ZNF665: variants seen among roughly 807,000 people sequenced by gnomAD.
The protein encoded by ZNF665 is zinc finger protein 665.
Under a neutral mutation model 7.9 loss-of-function variants are expected in ZNF665, and 6 were observed. The observed-to-expected ratio is 0.76, with a 90% CI of 0.42 to 1.50. ZNF665 has a LOEUF of 1.50. ZNF665 is among the 40% of genes most tolerant of loss of function. The pLI, the probability that ZNF665 is intolerant of heterozygous loss-of-function variation, is 0.01. For synonymous variants in ZNF665, 242 were observed against 274.5 expected, an observed-to-expected ratio of 0.88 and a Z score of 1.17; for missense variants, 819 against 806.7, an observed-to-expected ratio of 1.02 and a Z score of -0.18.
chr19:53,168,578 A>AT (rs1368524827), intron 3 of ZNF665, among the ~76,000 whole-genome samples: 4 of 152,212 alleles, frequency 2.6e-5, no homozygotes, highest in Non-Finnish European at 5.9e-5. Flanking sequence ...TCCAGCATGT[A>AT]TTTTTTGAGA....
intron 3 of ZNF665, among the ~76,000 whole-genome samples, chr19:53,168,621 T>C (rs2090635364): frequency 6.6e-6 from 1 of 152,130 alleles, no homozygotes; most frequent in South Asian, 2.1e-4. Flanking sequence ...CATAGGAAAA[T>C]GGAAAGGATC....
chr19:53,176,548 C>A (rs147453819), intron 2 of ZNF665, among the ~76,000 whole-genome samples: 8 of 152,292 alleles, frequency 5.3e-5, no homozygotes, highest in Non-Finnish European at 1.0e-4. Flanking sequence ...ATTAATTGAT[C>A]CCAACGAAAA....
chr19:53,166,143 T>C lies in ZNF665; in HGVS notation c.347A>G (p.Gln116Arg). Residue 116 changes from glutamine to arginine, a missense_variant, in exon 4 of 4, where the codon CAA becomes CGA. Physicochemically the swap from Gln to Arg is conservative, Grantham distance 43 (BLOSUM62 1). Coordinates refer to ENST00000396424, the MANE Select transcript of ZNF665 (RefSeq NM_024733.5). ...EGNYKTVLMLQKENLPGRRAQ... is the reference protein window; with the variant it reads ...EGNYKTVLMLRKENLPGRRAQ... ...TCTTCTACCAGGGAGATTTTCTTTT[T>C]GCAACATAAGTACTGTTTTATAATT... is the stretch of plus-strand genomic sequence containing the variant. The C allele has an allele frequency of 6.2e-7, 1 of 1,613,874 alleles. No individual in the cohort carries two copies. The highest frequency in any genetic ancestry group is 1.3e-5 in the African/African-American group (1 of 75,050).
At chr19:53,174,029 G>A (rs879445675) in intron 3 of ZNF665, among the ~76,000 whole-genome samples, 1 of 152,198 alleles carries the variant, frequency 6.6e-6, no homozygotes, top group Admixed American at 6.5e-5. Flanking sequence ...ACAGTTCCGT[G>A]AAGTTTCCGG....
intron 1 of ZNF665, among the ~76,000 whole-genome samples, chr19:53,189,693 C>T (rs2090801012): frequency 6.7e-6 from 1 of 148,674 alleles, no homozygotes; most frequent in African/African-American, 2.5e-5. Flanking sequence ...GTTAGGCCTC[C>T]GGATAACTGC....
Position 53,189,821 on chromosome 19 carries a change from A to C in ZNF665, c.-46+3491T>G, listed in dbSNP as rs1230922670. Among the ~76,000 whole-genome samples the C allele has an allele frequency of 5.3e-5, 8 of 151,698 alleles. No individual in the cohort carries two copies. In the East Asian group the frequency reaches 1.6e-3, roughly 30 times the overall value. ...AGTCTGCTAAGTAGCGGGTGTTTTC[A>C]TTTGACACTTACGCTACCCCTAGAC... On this transcript the variant is annotated intron_variant, in intron 1 of 3. Coordinates refer to ENST00000396424, the MANE Select transcript of ZNF665 (RefSeq NM_024733.5).
intron 2 of ZNF665, 80 bp from the exon 3 acceptor site, chr19:53,175,651 G>C: frequency 6.7e-7 from 1 of 1,488,284 alleles, no homozygotes; most frequent in African/African-American, 1.4e-5. Flanking sequence ...GGAGAGAGCT[G>C]TAAGAATAGG....
chr19:53,174,825 G>GCTACTC (rs2090683945), intron 3 of ZNF665, among the ~76,000 whole-genome samples: 1 of 151,890 alleles, frequency 6.6e-6, no homozygotes, highest in Non-Finnish European at 1.5e-5. Context: ...TGTAATCCCA[G>GCTACTC]CTACTCGGGA....
chr19:53,178,007 C>T (rs1029444366), intron 2 of ZNF665, among the ~76,000 whole-genome samples: 5 of 152,146 alleles, frequency 3.3e-5, no homozygotes, highest in African/African-American at 1.2e-4. Flanking sequence ...AGGCAAGCTA[C>T]CTGAAAGAGC....
chr19:53,173,311 G>A, intron 3 of ZNF665, among the ~76,000 whole-genome samples: 1 of 146,292 alleles, frequency 6.8e-6, no homozygotes, highest in African/African-American at 2.5e-5. Flanking sequence ...TTTTAATTGT[G>A]TGTTCTTGGT....
At chr19:53,168,055 CAAAAAAAAAAAAA>C (rs57521729) in intron 3 of ZNF665, among the ~76,000 whole-genome samples, 1 of 66,402 alleles carries the variant, frequency 1.5e-5, no homozygotes, top group Admixed American at 2.6e-4. Flanking sequence ...GACTCCCTCT[CAAAAAAAAAAAAA>C]AAAAAAAAAA....
chr19:53,166,086 C>G lies in ZNF665; in HGVS notation c.404G>C (p.Arg135Thr), dbSNP rs781013837. 6.2e-7 allele frequency: 1 copy of G among 1,614,026 alleles called. No homozygotes were observed. Among genetic ancestry groups the G allele is most frequent in the Non-Finnish European group, 8.5e-7 (1 of 1,179,942 alleles). The change falls in exon 4 of 4, where the codon AGG becomes ACG. Residue 135 changes from arginine to threonine, a missense_variant. By Grantham distance (71) the Arg-to-Thr change is moderately conservative. Transcript: ENST00000396424. The stretch of plus-strand genomic sequence containing the variant: ...TACTCCAAGCTGATTTTCAATATGC[C>G]TGTTTCCTGCAGCCCTTCTATCACG... ...AQRDRRAAGNRHIENQLGVSF... is the reference protein window; with the variant it reads ...AQRDRRAAGNTHIENQLGVSF...
In ZNF665 at chr19:53,166,164, T is replaced by C. The variant is rs763144109; in HGVS notation, c.326A>G (p.Tyr109Cys). 8 of 1,613,988 alleles carry C rather than the reference T, an allele frequency of 5.0e-6. No individual in the cohort carries two copies. The Admixed American group carries it at 5.0e-5, about 10-fold the overall frequency. ...ECQWKDDEGNYKTVLMLQKEN... is the reference protein window; with the variant it reads ...ECQWKDDEGNCKTVLMLQKEN... ...TTTTTGCAACATAAGTACTGTTTTA[T>C]AATTTCCTTCATCATCTTTCCACTG... The change falls in exon 4 of 4, where the codon TAT becomes TGT. Residue 109 changes from tyrosine to cysteine, a missense_variant. Transcript: ENST00000396424.
At chr19:53,182,487 C>T (rs572362691) in intron 2 of ZNF665, 84 of 517,764 alleles carry the variant, frequency 1.6e-4, no homozygotes, top group Admixed American at 5.8e-4. Flanking sequence ...TCTCATTTTA[C>T]AGCATTTCGT....
chr19:53,183,951 C>T (rs771952899), intron 1 of ZNF665, among the ~76,000 whole-genome samples: 4 of 152,238 alleles, frequency 2.6e-5, no homozygotes, highest in Non-Finnish European at 5.9e-5. Context: ...TTCTCCCACA[C>T]CTCCAAAGAA....
intron 1 of ZNF665, among the ~76,000 whole-genome samples, chr19:53,189,774 G>C (rs952445056): frequency 6.6e-6 from 1 of 151,220 alleles, no homozygotes; most frequent in African/African-American, 2.4e-5. Flanking sequence ...ACTCCCCCGG[G>C]GAAAGGGAGA....
rs914252773 is a variant in ZNF665, at chr19:53,182,789, C to A, written c.15+95G>T. ...AGTGAGTGCGAGCAAACCTGTCAGG[C>A]AGGATGCTTCAGACTCAGAGAAGAT... is the stretch of plus-strand genomic sequence containing the variant. On this transcript the variant is annotated intron_variant, in intron 2 of 3. Transcript: ENST00000396424. 2.8e-5 allele frequency: 45 copies of A among 1,585,014 alleles called. No homozygotes were observed. The African/African-American group carries it at 4.6e-4, about 16-fold the overall frequency.
intron 3 of ZNF665, among the ~76,000 whole-genome samples, chr19:53,171,504 G>GTGTGTGTGTGTGTATATATA (rs140482885): frequency 1.7e-5 from 1 of 57,774 alleles, no homozygotes; most frequent in Non-Finnish European, 3.3e-5. Context: ...GTGTGTGTGT[G>GTGTGTGTGTGTGTATATATA]TATATATATA....
chr19:53,176,187 A>G (rs2090696718), intron 2 of ZNF665, among the ~76,000 whole-genome samples: 1 of 152,020 alleles, frequency 6.6e-6, no homozygotes, highest in Non-Finnish European at 1.5e-5. Context: ...AATAAAAATA[A>G]ATAAAAGATT....
Sources: allele counts gnomAD v4.1 joint callset (sites outside exome capture counted in the v4.1 genomes callset), GRCh38; gene constraint gnomAD v4.1.1; transcripts MANE v1.5; gene names NCBI Gene and HGNC (gene_info 2026-07-23, HGNC 2026-07-21).